The following GNA14 variants were observed in gnomAD, a reference collection of about 807,000 sequenced individuals.
GNA14 encodes guanine nucleotide-binding protein subunit alpha-14.
A neutral mutation model predicts 42.0 loss-of-function variants in GNA14; 50 were observed. That is an observed-to-expected ratio of 1.19 (90% CI 0.95 to 1.51). The LOEUF (loss-of-function observed/expected upper bound fraction) is 1.51, where lower values mean the gene tolerates loss of function less well. GNA14 is among the 40% of genes most tolerant of loss of function. The pLI is 0.00. For missense variants in GNA14, 473 were observed against 446.2 expected, an observed-to-expected ratio of 1.06 and a Z score of -0.54; for synonymous variants, 173 against 163.1, an observed-to-expected ratio of 1.06 and a Z score of -0.46.
At chr9:77,521,995 G>A (rs146471709) in intron 2 of GNA14, among the ~76,000 whole-genome samples, 7,720 of 152,116 alleles carry the variant, frequency 0.051, 230 homozygotes, top group South Asian at 0.073. Flanking sequence ...ACCACGCCCG[G>A]CTAATTTTTA....
chr9:77,468,182 C>T (rs548882566), intron 2 of GNA14, among the ~76,000 whole-genome samples: 2 of 152,262 alleles, frequency 1.3e-5, no homozygotes, highest in African/African-American at 2.4e-5. Context: ...GACATGGGGG[C>T]AGGGGCATGA....
At chr9:77,622,963 CCAG>C (rs1202024526) in intron 1 of GNA14, among the ~76,000 whole-genome samples, 1 of 149,374 alleles carries the variant, frequency 6.7e-6, no homozygotes, top group African/African-American at 2.4e-5. Flanking sequence ...GACTGTAATC[CCAG>C]CACTTTGGGA....
At chr9:77,533,963 C>A (rs2131771865) in intron 1 of GNA14, among the ~76,000 whole-genome samples, 1 of 152,290 alleles carries the variant, frequency 6.6e-6, no homozygotes, top group South Asian at 2.1e-4. Context: ...TAGCATTTCC[C>A]AAACCTCAAT....
intron 1 of GNA14, among the ~76,000 whole-genome samples, chr9:77,634,447 GCGAAA>G (rs1824148384): frequency 7.0e-6 from 1 of 142,770 alleles, no homozygotes; most frequent in South Asian, 2.3e-4. Flanking sequence ...AAGGAAGGAA[GCGAAA>G]GGAAAGGAAA....
intron 2 of GNA14, among the ~76,000 whole-genome samples, chr9:77,492,051 G>A (rs1178639978): frequency 1.3e-5 from 2 of 152,088 alleles, no homozygotes; most frequent in Non-Finnish European, 2.9e-5. Context: ...ATACGCTCCT[G>A]AATGACCAAT....
intron 2 of GNA14, among the ~76,000 whole-genome samples, chr9:77,515,098 C>T (rs1042491358): frequency 1.3e-5 from 2 of 151,964 alleles, no homozygotes; most frequent in South Asian, 4.2e-4. Flanking sequence ...TCAAGAAAGG[C>T]CAGAATGTGG....
At chr9:77,519,181 C>A (rs946230142) in intron 2 of GNA14, among the ~76,000 whole-genome samples, 2 of 152,150 alleles carry the variant, frequency 1.3e-5, no homozygotes, top group African/African-American at 4.8e-5. Flanking sequence ...GAGGCCGAGG[C>A]GGGTGGGTCA....
At chr9:77,543,685 G>T (rs1564049720) in intron 1 of GNA14, among the ~76,000 whole-genome samples, 1 of 152,182 alleles carries the variant, frequency 6.6e-6, no homozygotes, top group Non-Finnish European at 1.5e-5. Flanking sequence ...GCTTCTTCCA[G>T]CTCCCAGCCA....
chr9:77,566,339 G>C (rs56733955), intron 1 of GNA14, among the ~76,000 whole-genome samples: 1 of 151,728 alleles, frequency 6.6e-6, no homozygotes, highest in Non-Finnish European at 1.5e-5. Context: ...ATTTTTAGTA[G>C]AAACAGGGTC....
rs547071224 is a variant in GNA14, at chr9:77,423,704, C to A, written c.*275G>T. Reference sequence around the variant, plus strand: ...TAAATCAAAGTGGCTTTTAAAAATTCTAGAAAACACCAAATTCAAAAATTA... The same window carrying A: ...TAAATCAAAGTGGCTTTTAAAAATTATAGAAAACACCAAATTCAAAAATTA... On this transcript the variant is annotated 3_prime_UTR_variant, in exon 7 of 7. Coordinates refer to ENST00000341700, the MANE Select transcript of GNA14 (RefSeq NM_004297.4). 4 of 222,842 alleles carry A rather than the reference C, an allele frequency of 1.8e-5. No homozygotes were observed. The South Asian group carries it at 7.3e-4, about 40-fold the overall frequency. The allele number at this position is 222,842 out of a possible 1,614,324, so 13.8% of individuals were successfully genotyped here.
chr9:77,451,889 T>A lies in GNA14; in HGVS notation c.310-17367A>T, dbSNP rs372566620. The stretch of plus-strand genomic sequence containing the variant: ...AAGTCTCCTATTTCCTGTCAAAAAA[T>A]CCCAACCGAGCAACCAGACGAGCAC... On this transcript the variant is annotated intron_variant, in intron 2 of 6. Coordinates refer to ENST00000341700, the MANE Select transcript of GNA14 (RefSeq NM_004297.4). Among the ~76,000 whole-genome samples the A allele has an allele frequency of 9.9e-5, 15 of 152,276 alleles. No individual in the cohort carries two copies. The South Asian group carries it at 3.1e-3, about 32-fold the overall frequency.
At chr9:77,563,622 T>A (rs1212723585) in intron 1 of GNA14, among the ~76,000 whole-genome samples, 1 of 152,140 alleles carries the variant, frequency 6.6e-6, no homozygotes, top group East Asian at 1.9e-4. Context: ...GTAATTGCCA[T>A]GAATTCAAGC....
intron 1 of GNA14, among the ~76,000 whole-genome samples, chr9:77,598,929 T>G (rs1823509122): frequency 6.6e-6 from 1 of 152,232 alleles, no homozygotes; most frequent in Admixed American, 6.5e-5. Context: ...GAGCACCTAT[T>G]ATGTCTAAAT....
chr9:77,610,044 G>A (rs937769672), intron 1 of GNA14, among the ~76,000 whole-genome samples: 3 of 152,148 alleles, frequency 2.0e-5, no homozygotes, highest in African/African-American at 4.8e-5. Flanking sequence ...TTCTTCTGGA[G>A]GCTGCTCCAA....
At chr9:77,633,300 T>C (rs1478177576) in intron 1 of GNA14, among the ~76,000 whole-genome samples, 3 of 152,098 alleles carry the variant, frequency 2.0e-5, no homozygotes, top group African/African-American at 4.8e-5. Context: ...ATCAGTTCAC[T>C]AGAAGACCAG....
intron 1 of GNA14, among the ~76,000 whole-genome samples, chr9:77,644,544 A>G (rs1348030663): frequency 1.3e-5 from 2 of 150,662 alleles, no homozygotes; most frequent in Non-Finnish European, 3.0e-5. Flanking sequence ...CCAAGGAGAG[A>G]GGCCTCCGGA....
At chr9:77,630,305 A>C (rs904297760) in intron 1 of GNA14, among the ~76,000 whole-genome samples, 1 of 151,920 alleles carries the variant, frequency 6.6e-6, no homozygotes, top group South Asian at 2.1e-4. Context: ...TTTTGTAGAG[A>C]TGCGGTTTCT....
intron 2 of GNA14, among the ~76,000 whole-genome samples, chr9:77,471,595 C>G (rs1836330679): frequency 6.6e-6 from 1 of 152,148 alleles, no homozygotes; most frequent in South Asian, 2.1e-4. Flanking sequence ...TGAGCAGGGA[C>G]AGTGGGTGAG....
chr9:77,580,563 G>C, intron 1 of GNA14: 1 of 502,322 alleles, frequency 2.0e-6, no homozygotes, highest in Non-Finnish European at 3.9e-6. Context: ...TCCTATTAAA[G>C]AATATCAGTG....
Sources: allele counts gnomAD v4.1 joint callset (sites outside exome capture counted in the v4.1 genomes callset), GRCh38; gene constraint gnomAD v4.1.1; transcripts MANE v1.5; gene names NCBI Gene and HGNC (gene_info 2026-07-23, HGNC 2026-07-21).